Variants in WFDC1 observed in about 807,000 individuals in gnomAD.
WFDC1 encodes the protein WAP four-disulfide core domain 1.
WFDC1 carries 39 observed loss-of-function variants against 32.9 expected under a neutral mutation model. The observed-to-expected ratio is 1.19, with a 90% CI of 0.92 to 1.55. The LOEUF (loss-of-function observed/expected upper bound fraction) is 1.55, where lower values mean the gene tolerates loss of function less well. Ranked by LOEUF, WFDC1 falls within the 40% of genes most tolerant of loss-of-function variation. The pLI is 0.00. For synonymous variants in WFDC1, 184 were observed against 137.4 expected, an observed-to-expected ratio of 1.34 and a Z score of -2.37; for missense variants, 386 against 309.5, an observed-to-expected ratio of 1.25 and a Z score of -1.85.
intron 1 of WFDC1, among the ~76,000 whole-genome samples, chr16:84,306,720 A>C (rs1907280937): frequency 6.6e-6 from 1 of 152,178 alleles, no homozygotes; most frequent in Non-Finnish European, 1.5e-5. Context: ...AGCACTTAGA[A>C]GGGTGCCCAG....
chr16:84,310,372 C>T (rs575453554), intron 1 of WFDC1, among the ~76,000 whole-genome samples: 26 of 152,184 alleles, frequency 1.7e-4, no homozygotes, highest in African/African-American at 6.0e-4. Context: ...GAGGTGACGG[C>T]GCCCACACTG....
chr16:84,301,659 G>C (rs1906943052), intron 1 of WFDC1, among the ~76,000 whole-genome samples: 1 of 152,130 alleles, frequency 6.6e-6, no homozygotes, highest in Non-Finnish European at 1.5e-5. Context: ...TGGAGAGAGG[G>C]GATATGTCGT....
chr16:84,317,259 C>A (rs962624118), intron 2 of WFDC1: 4 of 151,592 alleles, frequency 2.6e-5, no homozygotes, highest in Non-Finnish European at 5.9e-5. Context: ...TGCCACTACC[C>A]TTCAGCCTGG....
chr16:84,318,391 G>T (rs1383751412), intron 3 of WFDC1, 36 bp downstream of exon 3: 10 of 1,602,606 alleles, frequency 6.2e-6, no homozygotes, highest in Non-Finnish European at 8.5e-7. Flanking sequence ...CTACATCCAA[G>T]CCTCGATCCC....
At chr16:84,320,553 G>A (rs142741842) in intron 4 of WFDC1, among the ~76,000 whole-genome samples, 4 of 152,330 alleles carry the variant, frequency 2.6e-5, no homozygotes, top group Admixed American at 1.3e-4. Context: ...ATGGCACAGC[G>A]ATTCCTGGTG....
intron 1 of WFDC1, among the ~76,000 whole-genome samples, chr16:84,306,429 G>A (rs1397629706): frequency 6.6e-6 from 1 of 152,204 alleles, no homozygotes; most frequent in African/African-American, 2.4e-5. Context: ...GTGTGCGGAA[G>A]CCTCCAAGGC....
At chr16:84,307,722 G>A (rs1007908850) in intron 1 of WFDC1, among the ~76,000 whole-genome samples, 1 of 152,160 alleles carries the variant, frequency 6.6e-6, no homozygotes, top group African/African-American at 2.4e-5. Context: ...GACGACGTAC[G>A]GTGTATTCTT....
At chr16:84,323,239 C>A (rs1908408936) in intron 4 of WFDC1, among the ~76,000 whole-genome samples, 1 of 152,148 alleles carries the variant, frequency 6.6e-6, no homozygotes, top group Non-Finnish European at 1.5e-5. Flanking sequence ...CGTGCTGGTC[C>A]CAAACAGCCT....
At chr16:84,323,842 C>T (rs772862171) in intron 4 of WFDC1, among the ~76,000 whole-genome samples, 3 of 152,196 alleles carry the variant, frequency 2.0e-5, no homozygotes, top group Non-Finnish European at 2.9e-5. Context: ...TGGTTTTGGC[C>T]GGGCATGGCG....
In WFDC1 at chr16:84,313,101, C is replaced by T; in HGVS notation, c.285C>T (p.Cys95=). 3 of 1,438,016 alleles carry T rather than the reference C, an allele frequency of 2.1e-6. No individual in the cohort carries two copies. The highest frequency in any genetic ancestry group is 1.8e-6 in the Non-Finnish European group (2 of 1,102,030). 89.1% of individuals were successfully genotyped at this position (1,438,016 alleles called of 1,614,324 possible). A position where few individuals can be genotyped will look rare whatever the true frequency, so the allele number is the denominator to read the frequency against. Residue 95 remains cysteine, a synonymous_variant, in exon 2 of 7, where the codon TGC becomes TGT. Coordinates refer to ENST00000219454, the MANE Select transcript of WFDC1 (RefSeq NM_021197.4). The part of the protein sequence containing the change: ...ADSECPRHRR[C]CYNGCAYACL... The stretch of plus-strand genomic sequence containing the variant: ...CCGAGTGCCCGCGGCACCGGCGCTG[C>T]TGCTACAACGGATGCGCCTACGCCT...
At chr16:84,318,452 C>G (rs1908094408) in intron 3 of WFDC1, 97 bp downstream of exon 3, 1 of 1,148,804 alleles carries the variant, frequency 8.7e-7, no homozygotes, top group South Asian at 1.3e-5. Flanking sequence ...GGCTGTCCCC[C>G]ATGCACGGGC....
chr16:84,326,798 A>T (rs964251421), intron 5 of WFDC1, 84 bp from the exon 6 acceptor site: 7 of 1,553,326 alleles, frequency 4.5e-6, no homozygotes, highest in Non-Finnish European at 6.2e-6. Flanking sequence ...ACCAGGCTTC[A>T]TTTGGCAGTT....
At chr16:84,307,388 A>T (rs772386904) in intron 1 of WFDC1, among the ~76,000 whole-genome samples, 1 of 152,186 alleles carries the variant, frequency 6.6e-6, no homozygotes, top group Non-Finnish European at 1.5e-5. Context: ...TCTCAGTGAA[A>T]TCAGTGCTTT....
rs1044323939 is a variant in WFDC1, at chr16:84,319,591, C to G, written c.562+20C>G. ...AAGCAGGTGAGTGTGGCACCCCAGC[C>G]CTGATCCTGGCTCCTGCCCCAGTCC... On this transcript the variant is annotated intron_variant, in intron 4 of 6. Transcript: ENST00000219454. 2.5e-6 allele frequency: 4 copies of G among 1,609,382 alleles called. No individual in the cohort carries two copies. Among genetic ancestry groups the G allele is most frequent in the Non-Finnish European group, 3.4e-6 (4 of 1,178,992 alleles).
At chr16:84,305,380 G>A (rs1248321917) in intron 1 of WFDC1, among the ~76,000 whole-genome samples, 1 of 152,320 alleles carries the variant, frequency 6.6e-6, no homozygotes, top group South Asian at 2.1e-4. Context: ...GCACATGCTG[G>A]GTGGCTGTTT....
intron 1 of WFDC1, among the ~76,000 whole-genome samples, chr16:84,300,513 G>A (rs1906872899): frequency 6.6e-6 from 1 of 152,254 alleles, no homozygotes; most frequent in South Asian, 2.1e-4. Context: ...CATGCTGTGG[G>A]TTGAACTGTG....
At chr16:84,304,990 G>A (rs1326218027) in intron 1 of WFDC1, among the ~76,000 whole-genome samples, 2 of 152,212 alleles carry the variant, frequency 1.3e-5, no homozygotes, top group Non-Finnish European at 2.9e-5. Context: ...GGTCAGGAAC[G>A]CCCATGGAGT....
intron 1 of WFDC1, among the ~76,000 whole-genome samples, chr16:84,299,464 A>C (rs1264231315): frequency 6.6e-6 from 1 of 152,232 alleles, no homozygotes; most frequent in Non-Finnish European, 1.5e-5. Context: ...AACGTTTGTA[A>C]ATAGTCCAAT....
intron 4 of WFDC1, among the ~76,000 whole-genome samples, chr16:84,322,190 T>TGTGTGTGA (rs1191078211): frequency 6.6e-6 from 1 of 150,978 alleles, no homozygotes; most frequent in South Asian, 2.1e-4. Flanking sequence ...TGTGTGTGTG[T>TGTGTGTGA]GAGCTTCCCC....
Sources: allele counts gnomAD v4.1 joint callset (sites outside exome capture counted in the v4.1 genomes callset), GRCh38; gene constraint gnomAD v4.1.1; transcripts MANE v1.5; gene names NCBI Gene and HGNC (gene_info 2026-07-23, HGNC 2026-07-21).